Variants in CCAR1 observed in about 807,000 individuals in gnomAD.
CCAR1 encodes cell division cycle and apoptosis regulator protein 1.
Under a neutral mutation model 163.8 loss-of-function variants are expected in CCAR1, and 78 were observed. The ratio of observed to expected loss-of-function variants is 0.48; its 90% confidence interval spans 0.40 to 0.57. CCAR1 has a LOEUF of 0.57. Among genes scored for constraint, CCAR1 ranks in the 20% least tolerant of loss-of-function variants. CCAR1 has a pLI of 0.00. For synonymous variants in CCAR1, 443 were observed against 460.7 expected (o/e 0.96, Z 0.49); for missense variants, 1,019 against 1,365.2 (o/e 0.75, Z 4.00).
At chr10:68,777,030 A>G (rs892964864) in intron 19 of CCAR1, among the ~76,000 whole-genome samples, 6 of 152,284 alleles carry the variant, frequency 3.9e-5, no homozygotes, top group Non-Finnish European at 2.9e-5. Context: ...ATCTCATTTA[A>G]TGACAATTCC....
intron 12 of CCAR1, 50 bp downstream of exon 12, chr10:68,754,877 T>A: frequency 9.9e-7 from 1 of 1,006,286 alleles, no homozygotes; most frequent in Non-Finnish European, 1.6e-6. Context: ...TTTGCTTAGC[T>A]GTAACTTTGT....
chr10:68,784,915 CTTTTTTT>C (rs754185332), intron 19 of CCAR1, among the ~76,000 whole-genome samples: 5 of 124,764 alleles, frequency 4.0e-5, no homozygotes, highest in African/African-American at 1.3e-4. Flanking sequence ...GTGAACATAA[CTTTTTTT>C]TTTTTTTTTT....
At chr10:68,753,729 AACTG>A in intron 10 of CCAR1, 119 bp from the exon 11 acceptor site, 1 of 692,146 alleles carries the variant, frequency 1.4e-6, no homozygotes, top group Non-Finnish European at 2.5e-6. Context: ...GCTCATTAGT[AACTG>A]ACTTTGTCTT....
chr10:68,771,735 C>G (rs942160123), intron 18 of CCAR1, among the ~76,000 whole-genome samples: 1 of 151,694 alleles, frequency 6.6e-6, no homozygotes, highest in African/African-American at 2.4e-5. Context: ...GTGAGCCAAG[C>G]TTGCACCACT....
At chr10:68,737,498 CAAA>C (rs1200590065) in intron 3 of CCAR1, among the ~76,000 whole-genome samples, 16 of 64,468 alleles carry the variant, frequency 2.5e-4, no homozygotes, top group Admixed American at 5.9e-4. Context: ...ACCCTGTGTC[CAAA>C]AAAAAAAAAA....
chr10:68,749,423 T>C (rs1310983444), intron 9 of CCAR1, 101 bp from the exon 10 acceptor site: 9 of 1,249,532 alleles, frequency 7.2e-6, no homozygotes, highest in Non-Finnish European at 6.5e-6. Context: ...TAAACAAATA[T>C]ACTGTGGATT....
intron 17 of CCAR1, among the ~76,000 whole-genome samples, chr10:68,766,287 C>CT (rs2056534795): frequency 6.6e-6 from 1 of 152,074 alleles, no homozygotes; most frequent in East Asian, 1.9e-4. Flanking sequence ...ACTGCAACCT[C>CT]TGTCTCCCGG....
chr10:68,723,119 T>G (rs1043947444), intron 2 of CCAR1, among the ~76,000 whole-genome samples: 1 of 151,008 alleles, frequency 6.6e-6, no homozygotes, highest in Non-Finnish European at 1.5e-5. Context: ...TTTTTATTTA[T>G]TTTTATTTTT....
chr10:68,731,471 C>T (rs1374262701), intron 2 of CCAR1, among the ~76,000 whole-genome samples: 2 of 151,646 alleles, frequency 1.3e-5, no homozygotes, highest in Non-Finnish European at 2.9e-5. Flanking sequence ...AGTGATTCCA[C>T]AAAATTTGAA....
intron 21 of CCAR1, among the ~76,000 whole-genome samples, chr10:68,787,271 T>C (rs2056805768): frequency 6.6e-6 from 1 of 152,030 alleles, no homozygotes; most frequent in Admixed American, 6.6e-5. Flanking sequence ...TTTTTTTTTT[T>C]CATTCCACAG....
chr10:68,730,023 G>A (rs1332188851), intron 2 of CCAR1, among the ~76,000 whole-genome samples: 1 of 151,748 alleles, frequency 6.6e-6, no homozygotes, highest in East Asian at 1.9e-4. Context: ...GTGTTCAAGC[G>A]ATTCTTCTGC....
At chr10:68,753,338 T>C (rs185810791) in intron 10 of CCAR1, among the ~76,000 whole-genome samples, 140 of 152,320 alleles carry the variant, frequency 9.2e-4, no homozygotes, top group Middle Eastern at 3.4e-3. Flanking sequence ...AAGGAACATA[T>C]GAATTTTGCT....
At chr10:68,722,406 A>AT (rs1287039151) in intron 1 of CCAR1, 49 bp from the exon 2 acceptor site, 1 of 897,736 alleles carries the variant, frequency 1.1e-6, no homozygotes. Flanking sequence ...TCCTTTTGTG[A>AT]TATCTGTAGC....
chr10:68,741,661 T>C (rs888370906), intron 5 of CCAR1, among the ~76,000 whole-genome samples: 1 of 152,184 alleles, frequency 6.6e-6, no homozygotes, highest in African/African-American at 2.4e-5. Flanking sequence ...TACAGTCTAG[T>C]ATGTATTATA....
Position 68,756,461 on chromosome 10 carries a change from G to A in CCAR1, c.1814G>A (p.Arg605His), listed in dbSNP as rs760389164. The change falls in exon 14 of 25, where the codon CGC becomes CAC. Residue 605 changes from arginine (R) to histidine (H), a missense_variant. Around this residue, in one of 4 missense-constraint regions of CCAR1, gnomAD observed 644 missense variants for 904.4 expected, o/e 0.71. Coordinates refer to ENST00000265872, the MANE Select transcript of CCAR1 (RefSeq NM_018237.4). This position sits in a 1 kb window ranked among gnomAD's most constrained non-coding sequence, Gnocchi z 5.1. ...QQLVEKLQGE[R>H]KEADGEQDEE... ...CTGGTCGAGAAGCTTCAGGGTGAAC[G>A]CAAGGAGGCTGATGGAGAACAGGCA... is the stretch of plus-strand genomic sequence containing the variant. 2.5e-5 allele frequency: 40 copies of A among 1,611,494 alleles called. No homozygotes were observed. The highest frequency in any genetic ancestry group is 1.4e-4 in the South Asian group (13 of 90,818).
At position 68,775,687 on chromosome 10, in the gene CCAR1, C is replaced by CTTTTTTTTT. The variant is rs71028782; in HGVS notation, c.2650+2607_2650+2615dup. Among the ~76,000 whole-genome samples, 43 of 51,752 alleles carry CTTTTTTTTT rather than the reference C, an allele frequency of 8.3e-4. 3 individuals are homozygous for CTTTTTTTTT. Among genetic ancestry groups the CTTTTTTTTT allele is most frequent in the African/African-American group, 3.3e-3 (39 of 11,784 alleles). 34.0% of individuals were successfully genotyped at this position (51,752 alleles called of 152,430 possible). On this transcript the variant is annotated intron_variant, in intron 19 of 24. Transcript: ENST00000265872. ...ACCACGCCCAGCTAATTTTTCTTTTCTTTTTTTTTTTTTTTTTTTTTTTTT... is the reference window on the plus strand; with the variant it reads ...ACCACGCCCAGCTAATTTTTCTTTTCTTTTTTTTTTTTTTTTTTTTTTTTTTTTTTTTTT...
chr10:68,727,068 T>A (rs2133299542), intron 2 of CCAR1, among the ~76,000 whole-genome samples: 1 of 150,244 alleles, frequency 6.7e-6, no homozygotes, highest in Non-Finnish European at 1.5e-5. Context: ...CTAGATTTTT[T>A]TTTTTGTTTT....
At chr10:68,789,074 T>C (rs1255476224) in intron 23 of CCAR1, among the ~76,000 whole-genome samples, 1 of 151,676 alleles carries the variant, frequency 6.6e-6, no homozygotes, top group African/African-American at 2.4e-5. Flanking sequence ...CACGCCTGGC[T>C]AATTTTTTGT....
In CCAR1 at chr10:68,737,826, T is replaced by C. The variant is rs199853073; in HGVS notation, c.247-19T>C. The C allele has an allele frequency of 2.8e-6, 4 of 1,434,758 alleles. No individual in the cohort carries two copies. Among genetic ancestry groups the C allele is most frequent in the Non-Finnish European group, 3.8e-6 (4 of 1,047,628 alleles). The allele number at this position is 1,434,758 out of a possible 1,614,324, so 88.9% of individuals were successfully genotyped here. A position where few individuals can be genotyped will look rare whatever the true frequency, so the allele number is the denominator to read the frequency against. On this transcript the variant is annotated intron_variant, in intron 3 of 24. Coordinates refer to ENST00000265872, the MANE Select transcript of CCAR1 (RefSeq NM_018237.4). ...AGTGTCTGTATTTTTCTTTGAAAAA[T>C]TTTTTTTTAATCTTTCAGCAATATT...
Sources: gnomAD v4.1 joint callset for allele counts (sites outside exome capture counted in the v4.1 genomes callset) on GRCh38, gnomAD v4.1.1 for gene constraint, gnomAD v4.1.1 regional missense constraint, Gnocchi (gnomAD v3.1) non-coding constraint, MANE v1.5 for transcripts, NCBI Gene and HGNC (gene_info 2026-07-23, HGNC 2026-07-21) for gene names.